Variants in SPEN observed in about 807,000 individuals in gnomAD.
The protein encoded by SPEN is msx2-interacting protein.
SPEN carries 18 observed loss-of-function variants against 269.9 expected under a neutral mutation model. The ratio of observed to expected loss-of-function variants is 0.07; its 90% CI spans 0.05 to 0.10. SPEN has a LOEUF of 0.10. Ranked by LOEUF, SPEN falls within the 10% of genes least tolerant of loss-of-function variation. SPEN has a pLI of 1.00. For missense variants in SPEN, 3,822 were observed against 4,631.2 expected (o/e 0.83, Z 5.07); for synonymous variants, 1,726 against 1,765.7 (o/e 0.98, Z 0.56).
chr1:15,872,545 A>T (rs2148710508), intron 1 of SPEN, among the ~76,000 whole-genome samples: 1 of 150,678 alleles, frequency 6.6e-6, no homozygotes, highest in East Asian at 2.0e-4. Context: ...GCTTGCAGTG[A>T]GCTGAGATTG....
chr1:15,931,650 G>T lies in SPEN; in HGVS notation c.5410G>T (p.Asp1804Tyr), dbSNP rs748930885. ...TGAGTCTCAGCCCCCAGCTTCTGAA[G>T]ATTTAGAGGTTGATCCTCCAGTTGC... is the stretch of plus-strand genomic sequence containing the variant. ...APESQPPASE[D>Y]LEVDPPVAAK... is the part of the protein sequence containing the mutation. The change falls in exon 11 of 15, where the codon GAT becomes TAT. Residue 1804 changes from aspartate (D) to tyrosine (Y), a missense_variant. Transcript: ENST00000375759. This position sits in a 1 kb window ranked among gnomAD's most constrained non-coding sequence, Gnocchi z 4.8. 1 of 1,614,206 alleles carries T rather than the reference G, an allele frequency of 6.2e-7. No homozygotes were observed. Among genetic ancestry groups the T allele is most frequent in the South Asian group, 1.1e-5 (1 of 91,086 alleles).
Position 15,876,185 on chromosome 1 carries a change from C to T in SPEN, c.405-17C>T, listed in dbSNP as rs770575892. ...TGCTCCTTTCTGATTAAATATTTTT[C>T]CCCCTCCTAAATGCAGGGCTTCAGA... On this transcript the variant is annotated splice_polypyrimidine_tract_variant and intron_variant, in intron 2 of 14. Coordinates refer to ENST00000375759, the MANE Select transcript of SPEN (RefSeq NM_015001.3). 1.7e-5 allele frequency: 27 copies of T among 1,578,312 alleles called. No individual in the cohort carries two copies. The highest frequency in any genetic ancestry group is 2.3e-5 in the Non-Finnish European group (27 of 1,151,620).
rs760761331 is a variant in SPEN, at chr1:15,903,215, AT to A, written c.882-6105del. Among the ~76,000 whole-genome samples, 39 of 152,290 alleles carry A rather than the reference AT, an allele frequency of 2.6e-4. 3 individuals carry two copies. Among genetic ancestry groups the A allele is most frequent in the Admixed American group, 2.0e-3 (31 of 15,300 alleles). On this transcript the variant is annotated intron_variant, in intron 3 of 14. Transcript: ENST00000375759. ...TGATATCATTATTTGGTTTATGAGA[AT>A]CCTAGCATCCTATATTCTGTTCGTT...
chr1:15,858,477 T>A (rs796400716), intron 1 of SPEN, among the ~76,000 whole-genome samples: 4 of 152,314 alleles, frequency 2.6e-5, no homozygotes, highest in African/African-American at 9.6e-5. Context: ...GATACAACAC[T>A]ACCACCCAAT....
chr1:15,933,728 T>G lies in SPEN; in HGVS notation c.7488T>G (p.Thr2496=). 1.2e-6 allele frequency: 2 copies of G among 1,614,148 alleles called. No homozygotes were observed. The highest frequency in any genetic ancestry group is 1.7e-6 in the Non-Finnish European group (2 of 1,180,028). The part of the protein sequence containing the change: ...SGGIPHQSPP[T]KVTEWITRQE... Reference sequence around the variant, plus strand: ...GGATCCCACACCAGAGCCCCCCTACTAAGGTGACAGAGTGGATCACAAGGC... The same window carrying G: ...GGATCCCACACCAGAGCCCCCCTACGAAGGTGACAGAGTGGATCACAAGGC... Residue 2496 remains threonine, a synonymous_variant, in exon 11 of 15, where the codon ACT becomes ACG. Coordinates refer to ENST00000375759, the MANE Select transcript of SPEN (RefSeq NM_015001.3). The surrounding 1 kb of genome is among the most constrained non-coding windows in gnomAD (Gnocchi z 5.7).
At chr1:15,862,766 CTT>C (rs879452831) in intron 1 of SPEN, among the ~76,000 whole-genome samples, 5 of 144,004 alleles carry the variant, frequency 3.5e-5, no homozygotes, top group Non-Finnish European at 1.5e-5. Flanking sequence ...GCACTTTCTG[CTT>C]TTTTTTTTTT....
At position 15,929,889 on chromosome 1, in the gene SPEN, G is replaced by A. The variant is rs768932303; in HGVS notation, c.3649G>A (p.Asp1217Asn). ...TCACGAGGTAGGCAAACCCCCTCAAGATGTCACTGATGACTCTCCTCCTAG... is the reference window on the plus strand; with the variant it reads ...TCACGAGGTAGGCAAACCCCCTCAAAATGTCACTGATGACTCTCCTCCTAG... ...LVHEVGKPPQ[D>N]VTDDSPPSKK... Residue 1217 changes from aspartate to asparagine, a missense_variant, in exon 11 of 15, where the codon GAT (aspartate) becomes AAT (asparagine). Transcript: ENST00000375759. The surrounding 1 kb of genome is among the most constrained non-coding windows in gnomAD (Gnocchi z 5.8). 2 of 1,614,056 alleles carry A rather than the reference G, an allele frequency of 1.2e-6. No homozygotes were observed.
chr1:15,917,493 G>T (rs976787620), intron 6 of SPEN, among the ~76,000 whole-genome samples: 6 of 152,068 alleles, frequency 3.9e-5, no homozygotes, highest in Admixed American at 3.3e-4. Context: ...GGGTTCAAGC[G>T]ATTCTCCTGC....
chr1:15,850,803 G>T (rs1285859876), intron 1 of SPEN, among the ~76,000 whole-genome samples: 1 of 152,138 alleles, frequency 6.6e-6, no homozygotes, highest in Non-Finnish European at 1.5e-5. Flanking sequence ...AAAATGAAAT[G>T]GTATTCACTT....
chr1:15,891,653 T>C (rs953569073), intron 3 of SPEN, among the ~76,000 whole-genome samples: 3 of 151,946 alleles, frequency 2.0e-5, no homozygotes, highest in Non-Finnish European at 4.4e-5. Flanking sequence ...CCCGGCCTTG[T>C]TTTTTGTTTT....
At chr1:15,898,209 G>A (rs1171865572) in intron 3 of SPEN, among the ~76,000 whole-genome samples, 1 of 142,676 alleles carries the variant, frequency 7.0e-6, no homozygotes, top group Non-Finnish European at 1.5e-5. Context: ...GTGTGTGTGT[G>A]TAAAATAAAA....
chr1:15,916,746 C>T (rs1181098530), intron 6 of SPEN, among the ~76,000 whole-genome samples: 5 of 152,022 alleles, frequency 3.3e-5, no homozygotes, highest in African/African-American at 1.2e-4. Context: ...CCATTTTTAT[C>T]TTTCTTTGTT....
chr1:15,911,343 C>A, intron 5 of SPEN, 42 bp downstream of exon 5: 1 of 1,542,088 alleles, frequency 6.5e-7, no homozygotes, highest in Non-Finnish European at 9.0e-7. Flanking sequence ...TCATCACACA[C>A]ACTGTTTGTG....
chr1:15,860,086 T>C (rs2070429431), intron 1 of SPEN, among the ~76,000 whole-genome samples: 2 of 151,120 alleles, frequency 1.3e-5, no homozygotes, highest in South Asian at 2.1e-4. Flanking sequence ...TAATTTTTTG[T>C]ATTTTTAGTA....
At chr1:15,883,430 C>CT (rs1051862941) in intron 3 of SPEN, among the ~76,000 whole-genome samples, 25 of 151,182 alleles carry the variant, frequency 1.7e-4, no homozygotes, top group African/African-American at 4.4e-4. Flanking sequence ...TACTTTTTTT[C>CT]TTTTTTTTTG....
At chr1:15,904,780 A>G (rs1489836259) in intron 3 of SPEN, among the ~76,000 whole-genome samples, 1 of 151,146 alleles carries the variant, frequency 6.6e-6, no homozygotes, top group African/African-American at 2.4e-5. Context: ...GCCTGTGATA[A>G]TGTTTATAAT....
At chr1:15,910,183 A>G (rs1309243680) in intron 4 of SPEN, among the ~76,000 whole-genome samples, 3 of 151,292 alleles carry the variant, frequency 2.0e-5, no homozygotes, top group African/African-American at 7.3e-5. Context: ...AAACTTATGT[A>G]TCAGGTTTGT....
Position 15,918,960 on chromosome 1 carries a change from A to T in SPEN, c.1430A>T (p.Gln477Leu). Reference protein sequence around the residue: ...IDIKKVNGVPQYAFLQYCDIA... With the variant: ...IDIKKVNGVPLYAFLQYCDIA... ...ATTAAGAAAGTAAATGGAGTTCCTC[A>T]GTATGCGTTTCTGCAATACTGTGAT... Residue 477 changes from glutamine (Q) to leucine (L), a missense_variant, in exon 7 of 15, where the codon CAG becomes CTG. By Grantham distance (113) the Gln-to-Leu change is moderately radical (BLOSUM62 -2). Transcript: ENST00000375759. 1 of 1,610,824 alleles carries T rather than the reference A, an allele frequency of 6.2e-7. No homozygotes were observed. The highest frequency in any genetic ancestry group is 8.5e-7 in the Non-Finnish European group (1 of 1,178,510).
chr1:15,936,301 G>T (rs754619362), intron 11 of SPEN, 35 bp downstream of exon 11: 2 of 1,508,444 alleles, frequency 1.3e-6, no homozygotes, highest in Non-Finnish European at 8.9e-7. Context: ...CTGTCTGTTG[G>T]GCATGTGCTT....
Sources: allele counts gnomAD v4.1 joint callset (sites outside exome capture counted in the v4.1 genomes callset), GRCh38; gene constraint gnomAD v4.1.1; non-coding constraint Gnocchi (gnomAD v3.1); transcripts MANE v1.5; gene names NCBI Gene and HGNC (gene_info 2026-07-23, HGNC 2026-07-21).